MRPS9: variants seen among roughly 807,000 people sequenced by gnomAD.
MRPS9 encodes the protein mitochondrial ribosomal protein S9.
In MRPS9, 45 loss-of-function variants were observed where a neutral mutation model predicts 59.9. The observed-to-expected ratio is 0.75, with a 90% confidence interval of 0.59 to 0.96. The LOEUF is 0.96. MRPS9 is among the 40% of genes least tolerant of loss of function. The pLI is 0.00. For missense variants in MRPS9, 473 were observed against 481.1 expected, an observed-to-expected ratio of 0.98 and a Z score of 0.16; for synonymous variants, 171 against 166.8, an observed-to-expected ratio of 1.03 and a Z score of -0.19.
intron 1 of MRPS9, among the ~76,000 whole-genome samples, chr2:105,043,523 A>T (rs976238079): frequency 6.6e-6 from 1 of 152,218 alleles, no homozygotes; most frequent in Non-Finnish European, 1.5e-5. Flanking sequence ...GTCTTAATGG[A>T]CACATTCTGA....
chr2:105,086,985 A>G (rs1490679194), intron 5 of MRPS9, among the ~76,000 whole-genome samples: 1 of 152,158 alleles, frequency 6.6e-6, no homozygotes. Context: ...ACAGAGGTGT[A>G]TTGAAATTTT....
rs757655077 is a variant in MRPS9 at position 105,049,282 on chromosome 2, A to C, written c.247A>C (p.Ile83Leu). The C allele has an allele frequency of 6.2e-7, 1 of 1,613,074 alleles. No homozygotes were observed. Among genetic ancestry groups the C allele is most frequent in the East Asian group, 2.2e-5 (1 of 44,788 alleles). Residue 83 changes from isoleucine to leucine, a missense_variant, in exon 2 of 11, where the codon ATA (isoleucine) becomes CTA (leucine). Ile to Leu is a conservative substitution (Grantham distance 5). Transcript: ENST00000258455. ...FIKKQIEEFN[I>L]GKRHLANMMG... ...TAAAAAGCAGATTGAAGAGTTCAACATAGGAAAGAGACATTTAGCCAACAT... is the reference window on the plus strand; with the variant it reads ...TAAAAAGCAGATTGAAGAGTTCAACCTAGGAAAGAGACATTTAGCCAACAT...
intron 2 of MRPS9, among the ~76,000 whole-genome samples, chr2:105,067,292 G>C (rs1253567991): frequency 3.9e-5 from 6 of 152,104 alleles, no homozygotes; most frequent in Non-Finnish European, 8.8e-5. Context: ...CAGGCCACTT[G>C]TCTTGTACAG....
Position 105,071,507 on chromosome 2 carries a change from T to G in MRPS9, c.409+18T>G. 1 of 1,601,146 alleles carries G rather than the reference T, an allele frequency of 6.2e-7. No individual in the cohort carries two copies. Among genetic ancestry groups the G allele is most frequent in the Non-Finnish European group, 8.5e-7 (1 of 1,172,042 alleles). On this transcript the variant is annotated intron_variant, in intron 4 of 10. Coordinates refer to ENST00000258455, the MANE Select transcript of MRPS9 (RefSeq NM_182640.3). ...ACAAAGAGGTAAGTTTGTTCAAGAATGAGAGAAACAGTTTTTTCTTTACCG... is the reference window on the plus strand; with the variant it reads ...ACAAAGAGGTAAGTTTGTTCAAGAAGGAGAGAAACAGTTTTTTCTTTACCG...
intron 4 of MRPS9, among the ~76,000 whole-genome samples, chr2:105,072,345 C>T (rs1680130728): frequency 6.6e-6 from 1 of 151,944 alleles, no homozygotes; most frequent in East Asian, 1.9e-4. Context: ...CCTAAGAAAT[C>T]TGAGTGCAGA....
chr2:105,039,199 A>G (rs1679455878), intron 1 of MRPS9, among the ~76,000 whole-genome samples: 2 of 151,200 alleles, frequency 1.3e-5, no homozygotes, highest in Non-Finnish European at 2.9e-5. Flanking sequence ...ATTGCAGGAA[A>G]GTCAAATACC....
chr2:105,059,578 T>G (rs59722587), intron 2 of MRPS9, among the ~76,000 whole-genome samples: 32,406 of 142,584 alleles, frequency 0.23, 3,503 homozygotes, highest in Middle Eastern at 0.35. Context: ...GTTTTTTTTG[T>G]TTTTTTTTTG....
chr2:105,083,261 G>A (rs528430807), intron 5 of MRPS9, among the ~76,000 whole-genome samples: 18 of 152,318 alleles, frequency 1.2e-4, no homozygotes, highest in Middle Eastern at 3.4e-3. Flanking sequence ...CAAGATAACC[G>A]AGTTGTGACT....
At chr2:105,061,730 C>T (rs575207440) in intron 2 of MRPS9, among the ~76,000 whole-genome samples, 1 of 152,070 alleles carries the variant, frequency 6.6e-6, no homozygotes, top group South Asian at 2.1e-4. Flanking sequence ...GCATTGGGGA[C>T]AGTATTCCCT....
chr2:105,050,158 G>C (rs1330523139), intron 2 of MRPS9, among the ~76,000 whole-genome samples: 1 of 126,676 alleles, frequency 7.9e-6, no homozygotes, highest in Non-Finnish European at 1.8e-5. Context: ...TCTTTTTTTT[G>C]AGACAGAGTC....
intron 5 of MRPS9, among the ~76,000 whole-genome samples, chr2:105,080,906 T>TG (rs776619002): frequency 2.6e-5 from 4 of 151,658 alleles, no homozygotes; most frequent in South Asian, 2.1e-4. Context: ...ATTTATTTCT[T>TG]GGGGGAAAAA....
intron 5 of MRPS9, among the ~76,000 whole-genome samples, chr2:105,082,388 T>C (rs1055723172): frequency 4.6e-5 from 7 of 152,214 alleles, no homozygotes; most frequent in Non-Finnish European, 8.8e-5. Flanking sequence ...TGTGCAGTTA[T>C]GTGAGGAGAC....
At chr2:105,068,852 A>C (rs1161371918) in intron 2 of MRPS9, among the ~76,000 whole-genome samples, 1 of 152,164 alleles carries the variant, frequency 6.6e-6, no homozygotes, top group African/African-American at 2.4e-5. Context: ...CCTCTTATGC[A>C]TGGGGATTTG....
chr2:105,048,101 C>T (rs1679627809), intron 1 of MRPS9, among the ~76,000 whole-genome samples: 6 of 151,920 alleles, frequency 3.9e-5, no homozygotes, highest in Admixed American at 3.9e-4. Context: ...GGAACCAACC[C>T]AAATGTCCAA....
At chr2:105,089,598 G>A (rs932817929) in intron 6 of MRPS9, among the ~76,000 whole-genome samples, 3 of 152,114 alleles carry the variant, frequency 2.0e-5, no homozygotes, top group Admixed American at 6.6e-5. Flanking sequence ...ACAGGTTAAC[G>A]TTGTATCTAT....
At chr2:105,088,937 C>A (rs781564337) in intron 5 of MRPS9, 47 bp from the exon 6 acceptor site, 2 of 1,293,416 alleles carry the variant, frequency 1.5e-6, no homozygotes, top group African/African-American at 2.9e-5. Flanking sequence ...TTATAATGTA[C>A]CATTGCTCTT....
At chr2:105,058,530 T>G (rs571318860) in intron 2 of MRPS9, among the ~76,000 whole-genome samples, 33 of 152,316 alleles carry the variant, frequency 2.2e-4, no homozygotes, top group African/African-American at 7.9e-4. Context: ...GGAAGAAACA[T>G]GTTTACTAAT....
At position 105,038,107 on chromosome 2, in the gene MRPS9, T is replaced by G; in HGVS notation, c.15T>G (p.Cys5Trp). The G allele has an allele frequency of 1.9e-6, 3 of 1,613,870 alleles. No homozygotes were observed. Among genetic ancestry groups the G allele is most frequent in the Middle Eastern group, 1.7e-4 (1 of 5,940 alleles). ...CCACAGCTAACATGGCGGCGCCCTG[T>G]GTGTCCTACGGCGGAGCAGTTTCGT... Reference protein sequence around the residue: MAAPCVSYGGAVSYR... With the variant: MAAPWVSYGGAVSYR... The change falls in exon 1 of 11, where the codon TGT becomes TGG. Residue 5 changes from cysteine to tryptophan, a missense_variant. Cys to Trp is a radical substitution (Grantham distance 215). Coordinates refer to ENST00000258455, the MANE Select transcript of MRPS9 (RefSeq NM_182640.3).
intron 4 of MRPS9, among the ~76,000 whole-genome samples, chr2:105,074,228 C>T (rs910418641): frequency 3.3e-5 from 5 of 151,934 alleles, no homozygotes; most frequent in East Asian, 1.9e-4. Context: ...ACTAAATTTT[C>T]GGTTCAGGAA....
Sources: allele counts gnomAD v4.1 joint callset (sites outside exome capture counted in the v4.1 genomes callset), GRCh38; gene constraint gnomAD v4.1.1; transcripts MANE v1.5; gene names NCBI Gene and HGNC (gene_info 2026-07-23, HGNC 2026-07-21).